Variants in PCDH11X observed in about 807,000 individuals in gnomAD.
PCDH11X encodes the protein protocadherin 11 X-linked, also known as protocadherin-11 X-linked.
PCDH11X carries 18 observed loss-of-function variants against 53.3 expected under a neutral mutation model. The observed-to-expected ratio is 0.34, with a 90% confidence interval of 0.23 to 0.50. PCDH11X has a LOEUF of 0.50. Among genes scored for constraint, PCDH11X ranks in the 20% least tolerant of loss-of-function variants. The probability of loss-of-function intolerance (pLI) is 0.98; values close to 1 mark genes in which losing one functional copy is unlikely to be tolerated. For synonymous variants in PCDH11X, 279 were observed against 393.3 expected, an observed-to-expected ratio of 0.71 and a Z score of 3.44; for missense variants, 570 against 1,032.4, an observed-to-expected ratio of 0.55 and a Z score of 6.14.
At chrX:92,461,278 G>A (rs1026681078) in intron 9 of PCDH11X, among the ~76,000 whole-genome samples, 4 of 108,101 alleles carry the variant, frequency 3.7e-5, no homozygotes, top group African/African-American at 1.0e-4. Context: ...TAACTACACT[G>A]GGGGAATCAT....
chrX:91,781,876 T>C (rs1408539184), intron 1 of PCDH11X, among the ~76,000 whole-genome samples: 1 of 112,616 alleles, frequency 8.9e-6, no homozygotes, highest in Admixed American at 9.3e-5. Context: ...CTCGACTAAA[T>C]TAAGAATTGC....
chrX:92,247,757 C>T (rs1164804085), intron 7 of PCDH11X, among the ~76,000 whole-genome samples: 1 of 111,713 alleles, frequency 9.0e-6, no homozygotes, highest in Non-Finnish European at 1.9e-5. Flanking sequence ...TTCCTAAATC[C>T]AGGATGATTT....
chrX:92,275,259 A>T (rs1299009386), intron 8 of PCDH11X, among the ~76,000 whole-genome samples: 1 of 103,449 alleles, frequency 9.7e-6, no homozygotes, highest in Non-Finnish European at 2.0e-5. Flanking sequence ...GACCGCACTA[A>T]CCATGCCTAG....
chrX:92,407,253 C>A (rs2754958), intron 9 of PCDH11X, among the ~76,000 whole-genome samples: 1 of 111,509 alleles, frequency 9.0e-6, no homozygotes, highest in Non-Finnish European at 1.9e-5. Context: ...TTTTCAAGTT[C>A]TGTTGTTTAC....
chrX:92,601,762 T>C (rs753598310), intron 10 of PCDH11X, among the ~76,000 whole-genome samples: 1 of 109,879 alleles, frequency 9.1e-6, no homozygotes, highest in African/African-American at 3.3e-5. Context: ...TGAATCATAA[T>C]CCATATCTCG....
At chrX:92,307,354 A>G (rs1478638879) in intron 8 of PCDH11X, among the ~76,000 whole-genome samples, 2 of 110,597 alleles carry the variant, frequency 1.8e-5, no homozygotes, top group Non-Finnish European at 3.8e-5. Context: ...GAATGAAGGA[A>G]AAAAATTATC....
chrX:92,290,865 T>C (rs1359124898), intron 8 of PCDH11X, among the ~76,000 whole-genome samples: 1 of 105,494 alleles, frequency 9.5e-6, no homozygotes, highest in African/African-American at 3.5e-5. Context: ...ATGTAGTTAG[T>C]GGATGAAAGA....
At chrX:92,591,876 A>G (rs1925071318) in intron 10 of PCDH11X, among the ~76,000 whole-genome samples, 1 of 110,659 alleles carries the variant, frequency 9.0e-6, no homozygotes, top group Admixed American at 9.7e-5. Flanking sequence ...AATCATGGGG[A>G]TCATGGGGAT....
chrX:92,377,938 T>C (rs2070787766), intron 8 of PCDH11X, among the ~76,000 whole-genome samples: 1 of 110,235 alleles, frequency 9.1e-6, no homozygotes, highest in South Asian at 3.8e-4. Flanking sequence ...TAAAAGTGAA[T>C]ATATTCTTGT....
chrX:92,485,422 A>G (rs2073621305), intron 10 of PCDH11X, among the ~76,000 whole-genome samples: 1 of 111,683 alleles, frequency 9.0e-6, no homozygotes, highest in Non-Finnish European at 1.9e-5. Context: ...ATGTAACAAG[A>G]TGACATAATT....
At chrX:91,872,825 GT>G (rs1174878540) in intron 5 of PCDH11X, among the ~76,000 whole-genome samples, 2 of 108,713 alleles carry the variant, frequency 1.8e-5, no homozygotes, top group South Asian at 8.1e-4. Flanking sequence ...AAAGGCTTCA[GT>G]TTTTTAATTG....
At chrX:92,045,344 G>A (rs1197354072) in intron 6 of PCDH11X, among the ~76,000 whole-genome samples, 2 of 98,483 alleles carry the variant, frequency 2.0e-5, no homozygotes, top group Non-Finnish European at 4.0e-5. Context: ...AGAGGAAGGA[G>A]AGATCTATTT....
At chrX:92,437,548 T>G (rs2072413101) in intron 9 of PCDH11X, among the ~76,000 whole-genome samples, 1 of 110,393 alleles carries the variant, frequency 9.1e-6, no homozygotes, top group African/African-American at 3.3e-5. Context: ...TCTTTAAACT[T>G]AGCATCTGCT....
chrX:92,346,999 G>A (rs764224921), intron 8 of PCDH11X, among the ~76,000 whole-genome samples: 11 of 111,408 alleles, frequency 9.9e-5, no homozygotes, highest in Non-Finnish European at 2.1e-4. Flanking sequence ...TCACTTTTGA[G>A]TCATTCCCTT....
chrX:91,952,980 G>A (rs2061660016), intron 6 of PCDH11X, among the ~76,000 whole-genome samples: 1 of 110,607 alleles, frequency 9.0e-6, no homozygotes, highest in Non-Finnish European at 1.9e-5. Context: ...TCATTTATTT[G>A]TGGGATCTAA....
At chrX:92,123,274 T>C (rs189393573) in intron 6 of PCDH11X, among the ~76,000 whole-genome samples, 1,444 of 111,582 alleles carry the variant, frequency 0.013, 19 homozygotes, top group African/African-American at 0.044. Context: ...TATTACTACT[T>C]GGTTCATCAC....
intron 5 of PCDH11X, among the ~76,000 whole-genome samples, chrX:91,867,720 T>TTTACTTCAGTTA (rs1237756771): frequency 1.2e-4 from 13 of 111,141 alleles, no homozygotes; most frequent in African/African-American, 3.6e-4. Flanking sequence ...CTTTTCTCTT[T>TTTACTTCAGTTA]TTACTTCAGT....
chrX:92,558,089 C>T (rs1273759348), intron 10 of PCDH11X, among the ~76,000 whole-genome samples: 1 of 111,041 alleles, frequency 9.0e-6, no homozygotes, highest in Non-Finnish European at 1.9e-5. Flanking sequence ...CGCTGGTTCT[C>T]TCCCACAGCA....
chrX:92,527,516 C>T (rs1265041578), intron 10 of PCDH11X, among the ~76,000 whole-genome samples: 2 of 110,792 alleles, frequency 1.8e-5, no homozygotes, highest in African/African-American at 6.6e-5. Context: ...TGCTAAATTA[C>T]ACATGGTATT....
Sources: gnomAD v4.1 joint callset for allele counts (sites outside exome capture counted in the v4.1 genomes callset) on GRCh38, gnomAD v4.1.1 for gene constraint, MANE v1.5 for transcripts, NCBI Gene and HGNC (gene_info 2026-07-23, HGNC 2026-07-21) for gene names.